Variants in MAPK6 observed in about 807,000 individuals in gnomAD.
MAPK6 encodes the protein ERK-3.
A neutral mutation model predicts 59.3 loss-of-function variants in MAPK6; 19 were observed. That is an observed-to-expected ratio of 0.32 (90% CI 0.22 to 0.47). MAPK6 has a LOEUF of 0.47. Ranked by LOEUF, MAPK6 falls within the 20% of genes least tolerant of loss-of-function variation. The pLI is 1.00. For missense variants in MAPK6, 724 were observed against 847.9 expected (o/e 0.85, Z 1.81); for synonymous variants, 316 against 290.3 (o/e 1.09, Z -0.90).
chr15:52,065,581 A>C lies in MAPK6; in HGVS notation c.*581A>C, dbSNP rs1288087714. 6.6e-6 allele frequency: 1 copy of C among 152,590 alleles called. No homozygotes were observed. The highest frequency in any genetic ancestry group is 1.5e-5 in the Non-Finnish European group (1 of 68,050). 9.5% of individuals were successfully genotyped at this position (152,590 alleles called of 1,614,324 possible). On this transcript the variant is annotated 3_prime_UTR_variant, in exon 6 of 6. Transcript: ENST00000261845. ...ATTTAGCCAGCGTTTATTGTAGTAA[A>C]CTATTCTTAATAAAACTCACTCACT...
At chr15:52,040,357 C>A (rs530456935) in intron 1 of MAPK6, among the ~76,000 whole-genome samples, 28 of 152,256 alleles carry the variant, frequency 1.8e-4, no homozygotes, top group South Asian at 1.2e-3. Flanking sequence ...TGGAGAAGAG[C>A]AAAATAAGAG....
At chr15:52,061,638 A>G (rs2032204774) in intron 5 of MAPK6, 138 bp downstream of exon 5, 3 of 700,932 alleles carry the variant, frequency 4.3e-6, no homozygotes, top group Non-Finnish European at 6.9e-6. Flanking sequence ...AAAATTAGTC[A>G]GGTGTGGTGG....
intron 1 of MAPK6, among the ~76,000 whole-genome samples, chr15:52,032,612 G>C (rs998722851): frequency 5.9e-5 from 9 of 152,150 alleles, no homozygotes; most frequent in Admixed American, 4.6e-4. Context: ...CATCCTAAAA[G>C]ACTTCTTTTA....
In MAPK6 at chr15:52,040,131, C is replaced by T. The variant is rs141034339; in HGVS notation, c.-631-5699C>T. Among the ~76,000 whole-genome samples the T allele has an allele frequency of 2.6e-5, 4 of 152,164 alleles. No homozygotes were observed. The East Asian group carries it at 7.7e-4, about 29-fold the overall frequency. The stretch of plus-strand genomic sequence containing the variant: ...GCTGTAGCACTTGGCCTTCTCTGCC[C>T]GAAAATCTTAGTAGCTTTGATGAGA... On this transcript the variant is annotated intron_variant, in intron 1 of 5. Coordinates refer to ENST00000261845, the MANE Select transcript of MAPK6 (RefSeq NM_002748.4).
intron 3 of MAPK6, among the ~76,000 whole-genome samples, chr15:52,055,837 TTGTTTTTAAA>T (rs1169394573): frequency 6.6e-6 from 1 of 152,226 alleles, no homozygotes; most frequent in Non-Finnish European, 1.5e-5. Context: ...TTTTAAATGT[TTGTTTTTAAA>T]TGTTCAATGC....
At chr15:52,016,092 ACACACACACACACAC>A (rs2030254514), upstream of MAPK6, among the ~76,000 whole-genome samples, 2 of 136,630 alleles carry the variant, frequency 1.5e-5, no homozygotes, top group African/African-American at 5.5e-5. Flanking sequence ...ACACACACAC[ACACACACACACACAC>A]AAACTAAAAC....
Position 51,973,815 on chromosome 15 carries a change from GTTAA to G in MAPK6, c.-880+1912_-880+1915del, listed in dbSNP as rs550647696. On this transcript the variant is annotated intron_variant, in intron 1 of 7. Coordinates refer to the MAPK6 transcript ENST00000691380. ...TTACAGGCATGCGCCACCATATCCG[GTTAA>G]TTTTGTATTTTTAGTAGAGATGGGA... is the stretch of plus-strand genomic sequence containing the variant. 1.5e-3 allele frequency among the ~76,000 whole-genome samples: 221 copies of G among 151,888 alleles called. 2 individuals are homozygous for G. The South Asian group carries it at 0.035, about 24-fold the overall frequency.
At chr15:52,004,584 A>G (rs2057252103) in intron 3 of MAPK6, among the ~76,000 whole-genome samples, 1 of 152,194 alleles carries the variant, frequency 6.6e-6, no homozygotes, top group Non-Finnish European at 1.5e-5. Context: ...TTTGGCTCAC[A>G]GTTGTGGAGG....
intron 2 of MAPK6, among the ~76,000 whole-genome samples, chr15:52,047,755 T>C (rs140656150): frequency 2.8e-4 from 43 of 152,064 alleles, no homozygotes; most frequent in Non-Finnish European, 5.6e-4. Context: ...CCTGAATAGC[T>C]GAGGCTAAAG....
At chr15:51,983,399 G>T (rs1468195927) in intron 2 of MAPK6, among the ~76,000 whole-genome samples, 2 of 152,006 alleles carry the variant, frequency 1.3e-5, no homozygotes, top group African/African-American at 4.8e-5. Context: ...GAATCACTTG[G>T]ACCCAGGAGG....
chr15:52,057,858 A>G (rs1214510488), intron 3 of MAPK6, among the ~76,000 whole-genome samples: 3 of 152,224 alleles, frequency 2.0e-5, no homozygotes, highest in African/African-American at 2.4e-5. Flanking sequence ...ATATGTCACC[A>G]TAAGACCTAC....
At chr15:51,976,942 C>G (rs776450950) in intron 1 of MAPK6, among the ~76,000 whole-genome samples, 1 of 151,220 alleles carries the variant, frequency 6.6e-6, no homozygotes, top group Non-Finnish European at 1.5e-5. Flanking sequence ...GACTCTGTCT[C>G]AAAAAAATAA....
At chr15:52,055,110 A>G (rs529355684) in intron 3 of MAPK6, among the ~76,000 whole-genome samples, 1 of 152,328 alleles carries the variant, frequency 6.6e-6, no homozygotes, top group Non-Finnish European at 1.5e-5. Context: ...CACCACAGTA[A>G]CGAGTCAGAA....
At chr15:52,015,496 G>A (rs1166946762), upstream of MAPK6, among the ~76,000 whole-genome samples, 1 of 122,764 alleles carries the variant, frequency 8.1e-6, no homozygotes, top group Non-Finnish European at 1.7e-5. Context: ...TTTTTTTTTT[G>A]AGAGGGAGTC....
At chr15:52,047,119 ATTAAACTTTAC>A in intron 2 of MAPK6, 104 bp downstream of exon 2, 1 of 819,004 alleles carries the variant, frequency 1.2e-6, no homozygotes, top group Non-Finnish European at 1.8e-6. Context: ...TTTTAATCTT[ATTAAACTTTAC>A]ATAGTGCCTT....
At chr15:52,032,507 A>T (rs1280663750) in intron 1 of MAPK6, among the ~76,000 whole-genome samples, 1 of 151,390 alleles carries the variant, frequency 6.6e-6, no homozygotes, top group African/African-American at 2.4e-5. Flanking sequence ...GATATTTTTA[A>T]TAGACTTTTT....
intron 1 of MAPK6, among the ~76,000 whole-genome samples, chr15:51,979,339 A>G (rs531894383): frequency 6.6e-6 from 1 of 151,908 alleles, no homozygotes; most frequent in Admixed American, 6.6e-5. Context: ...TTGCTCAGAC[A>G]TAATAACATA....
At chr15:51,984,657 C>A (rs1181658602) in intron 2 of MAPK6, among the ~76,000 whole-genome samples, 1 of 151,540 alleles carries the variant, frequency 6.6e-6, no homozygotes, top group African/African-American at 2.4e-5. Flanking sequence ...TACAGTGATG[C>A]GCTAGTAAAA....
intron 2 of MAPK6, among the ~76,000 whole-genome samples, chr15:51,990,389 C>A (rs761315471): frequency 5.3e-5 from 8 of 152,114 alleles, no homozygotes; most frequent in Non-Finnish European, 1.0e-4. Context: ...GAAATTGGGG[C>A]CATCTCTCTG....
Sources: allele counts gnomAD v4.1 joint callset (sites outside exome capture counted in the v4.1 genomes callset), GRCh38; gene constraint gnomAD v4.1.1; transcripts MANE v1.5; gene names NCBI Gene and HGNC (gene_info 2026-07-23, HGNC 2026-07-21).